NTM: variants seen among roughly 807,000 people sequenced by gnomAD.
NTM encodes IgLON family member 2.
In NTM, 13 loss-of-function variants were observed where a neutral mutation model predicts 42.1. The ratio of observed to expected loss-of-function variants is 0.31; its 90% CI spans 0.20 to 0.49. NTM has a LOEUF of 0.49. Among genes scored for constraint, NTM ranks in the 20% least tolerant of loss-of-function variants. The pLI is 0.99. For missense variants in NTM, 373 were observed against 452.8 expected (o/e 0.82, Z 1.60); for synonymous variants, 187 against 179.2 (o/e 1.04, Z -0.35).
chr11:132,139,340 T>C (rs2068623073), intron 2 of NTM, among the ~76,000 whole-genome samples: 1 of 152,168 alleles, frequency 6.6e-6, no homozygotes, highest in African/African-American at 2.4e-5. Context: ...AAAAAATGGC[T>C]TGTGGGAGCC....
chr11:131,814,410 G>C (rs2092863300), intron 1 of NTM, among the ~76,000 whole-genome samples: 2 of 152,176 alleles, frequency 1.3e-5, no homozygotes, highest in African/African-American at 4.8e-5. Context: ...TGCCGAACCA[G>C]ATTGTGTGTC....
intron 1 of NTM, among the ~76,000 whole-genome samples, chr11:131,647,945 T>C (rs1465057399): frequency 6.6e-6 from 1 of 152,204 alleles, no homozygotes; most frequent in African/African-American, 2.4e-5. Flanking sequence ...CAGATTATTT[T>C]GTTACCTAGG....
At chr11:131,763,541 GATTT>G (rs1180263798) in intron 1 of NTM, among the ~76,000 whole-genome samples, 1 of 151,936 alleles carries the variant, frequency 6.6e-6, no homozygotes, top group East Asian at 1.9e-4. Context: ...TTATCCAAGT[GATTT>G]ATAGCCTTAC....
intron 1 of NTM, among the ~76,000 whole-genome samples, chr11:131,846,977 C>A (rs2044986601): frequency 6.6e-6 from 1 of 152,138 alleles, no homozygotes; most frequent in South Asian, 2.1e-4. Context: ...TGAGAAAGGT[C>A]TAGGGTCTTG....
chr11:131,622,911 C>T (rs1377767427), intron 1 of NTM, among the ~76,000 whole-genome samples: 2 of 152,146 alleles, frequency 1.3e-5, no homozygotes, highest in Non-Finnish European at 2.9e-5. Flanking sequence ...GGTTGCCTTC[C>T]GTCCAGGTGC....
intron 1 of NTM, among the ~76,000 whole-genome samples, chr11:131,880,149 G>A (rs149490847): frequency 3.9e-5 from 6 of 152,214 alleles, no homozygotes; most frequent in African/African-American, 1.4e-4. Flanking sequence ...AATCTCTTCC[G>A]ACCCAGCAGA....
intron 1 of NTM, among the ~76,000 whole-genome samples, chr11:131,489,812 C>T (rs147963336): frequency 4.6e-4 from 70 of 152,362 alleles, no homozygotes; most frequent in African/African-American, 1.6e-3. Flanking sequence ...TATTCACTTA[C>T]CTCTCCATTC....
chr11:132,111,974 T>C (rs566998802), intron 2 of NTM, among the ~76,000 whole-genome samples: 30 of 152,362 alleles, frequency 2.0e-4, no homozygotes, highest in African/African-American at 7.2e-4. Flanking sequence ...AACTTTGCTT[T>C]TCTCAACAGA....
chr11:131,659,199 G>A (rs1232835379), intron 1 of NTM, among the ~76,000 whole-genome samples: 1 of 152,226 alleles, frequency 6.6e-6, no homozygotes, highest in Non-Finnish European at 1.5e-5. Context: ...GGCAGCTGAG[G>A]CCAAGTGATC....
intron 2 of NTM, among the ~76,000 whole-genome samples, chr11:131,955,743 G>T (rs76665100): frequency 0.017 from 2,521 of 149,300 alleles, 64 homozygotes; most frequent in African/African-American, 0.059. Flanking sequence ...GACTCCACAG[G>T]GAGATTTTGT....
Position 131,954,228 on chromosome 11 carries a change from C to T in NTM, c.167+42580C>T, listed in dbSNP as rs2061331774. Among the ~76,000 whole-genome samples, 3 of 152,208 alleles carry T rather than the reference C, an allele frequency of 2.0e-5. 1 individual carries two copies. The highest frequency in any genetic ancestry group is 1.3e-4 in the Admixed American group (2 of 15,276). ...CACAGGCATTGTAAGTAGCACAGGA[C>T]GCTTCACTCAGCAGACAGGGCAGGA... is the stretch of plus-strand genomic sequence containing the variant. On this transcript the variant is annotated intron_variant, in intron 2 of 8. Transcript: ENST00000683400.
intron 1 of NTM, among the ~76,000 whole-genome samples, chr11:131,472,299 C>T (rs932096): frequency 0.64 from 96,628 of 152,034 alleles, 32,692 homozygotes; most frequent in African/African-American, 0.87. Flanking sequence ...ACCACTCTTG[C>T]CCAGGAAATG....
At chr11:131,534,935 C>T (rs1338992085) in intron 1 of NTM, 1 of 152,226 alleles carries the variant, frequency 6.6e-6, no homozygotes, top group Non-Finnish European at 1.5e-5. Flanking sequence ...TGGAAGGAGC[C>T]GCTCCAGTGG....
At chr11:131,419,970 C>T (rs1947333050) in intron 1 of NTM, among the ~76,000 whole-genome samples, 1 of 152,168 alleles carries the variant, frequency 6.6e-6, no homozygotes, top group African/African-American at 2.4e-5. Context: ...CATCAACCTG[C>T]CCCTTCCTTT....
chr11:131,595,931 G>A (rs934001683), intron 1 of NTM, among the ~76,000 whole-genome samples: 88 of 152,304 alleles, frequency 5.8e-4, no homozygotes, highest in African/African-American at 2.0e-3. Context: ...CATAAAATAC[G>A]GGAGCCCATG....
chr11:131,746,734 C>G (rs937236453), intron 1 of NTM, among the ~76,000 whole-genome samples: 2 of 151,382 alleles, frequency 1.3e-5, no homozygotes, highest in Non-Finnish European at 2.9e-5. Context: ...ATTTTTTTTT[C>G]CTGCTTCATA....
intron 4 of NTM, among the ~76,000 whole-genome samples, chr11:132,220,653 T>C (rs1228521477): frequency 6.6e-6 from 1 of 152,184 alleles, no homozygotes; most frequent in Non-Finnish European, 1.5e-5. Context: ...TGGAAAATAT[T>C]GTAGAATCAG....
rs186069839 is a variant in NTM at position 131,849,342 on chromosome 11, A to C, written c.83-62222A>C. 1.5e-3 allele frequency among the ~76,000 whole-genome samples: 229 copies of C among 152,294 alleles called. 1 individual carries two copies. The highest frequency in any genetic ancestry group is 6.8e-3 in the Middle Eastern group (2 of 294). On this transcript the variant is annotated intron_variant, in intron 1 of 8. Transcript: ENST00000683400. ...GGCTCATGATTCTGCAGGCTGTCTA[A>C]GCATGGCACCCGTGTCTGCTTGGCT... is the stretch of plus-strand genomic sequence containing the variant.
chr11:131,600,659 C>T (rs541462645), intron 1 of NTM, among the ~76,000 whole-genome samples: 3 of 152,280 alleles, frequency 2.0e-5, no homozygotes, highest in Admixed American at 6.5e-5. Context: ...ATCCTGCCTA[C>T]GTTTAGCAGG....
Sources: gnomAD v4.1 joint callset for allele counts (sites outside exome capture counted in the v4.1 genomes callset) on GRCh38, gnomAD v4.1.1 for gene constraint, MANE v1.5 for transcripts, NCBI Gene and HGNC (gene_info 2026-07-23, HGNC 2026-07-21) for gene names.